EFCAB5: variants seen among roughly 807,000 people sequenced by gnomAD.
The protein encoded by EFCAB5 is EF-hand calcium-binding domain-containing protein 5.
In EFCAB5, 131 loss-of-function variants were observed where a neutral mutation model predicts 167.9. The ratio of observed to expected loss-of-function variants is 0.78; its 90% CI spans 0.68 to 0.90. The LOEUF (loss-of-function observed/expected upper bound fraction) is 0.90. EFCAB5 is among the 40% of genes least tolerant of loss of function. The pLI, the probability that EFCAB5 is intolerant of heterozygous loss-of-function variation, is 0.00. For synonymous variants in EFCAB5, 574 were observed against 602.8 expected (o/e 0.95, Z 0.70); for missense variants, 1,663 against 1,745.2 (o/e 0.95, Z 0.84).
Position 30,090,435 on chromosome 17 carries a change from A to T in EFCAB5, c.3698A>T (p.Lys1233Ile). 6.2e-7 allele frequency: 1 copy of T among 1,612,362 alleles called. No individual in the cohort carries two copies. The highest frequency in any genetic ancestry group is 8.5e-7 in the Non-Finnish European group (1 of 1,179,370). Residue 1233 changes from lysine to isoleucine, a missense_variant, in exon 20 of 23, where the codon AAA becomes ATA. By Grantham distance (102) the Lys-to-Ile change is moderately radical. Coordinates refer to ENST00000394835, the MANE Select transcript of EFCAB5 (RefSeq NM_198529.4). ...KSCIFRDFLF[K>I]CTDSSEVVLA... Reference sequence around the variant, plus strand: ...TTTGATTTCAGAGATTTCCTCTTTAAATGTACTGACAGTTCAGAAGTTGTT... The same window carrying T: ...TTTGATTTCAGAGATTTCCTCTTTATATGTACTGACAGTTCAGAAGTTGTT...
chr17:30,096,671 A>ATT lies in EFCAB5; in HGVS notation c.4321+3736_4321+3737insTT, dbSNP rs1305308979. Among the ~76,000 whole-genome samples, 307 of 60,872 alleles carry ATT rather than the reference A, an allele frequency of 5.0e-3. 6 individuals carry two copies. Among genetic ancestry groups the ATT allele is most frequent in the African/African-American group, 0.022 (284 of 12,974 alleles). The allele number at this position is 60,872 out of a possible 152,430, so 39.9% of individuals were successfully genotyped here. Reference sequence around the variant, plus strand: ...TGAAAGCATATATATATATATATATATATATATTTTTTTTTTTTTTTTTTT... The same window carrying ATT: ...TGAAAGCATATATATATATATATATATTTATATATTTTTTTTTTTTTTTTTTT... On this transcript the variant is annotated intron_variant, in intron 22 of 22. Transcript: ENST00000394835.
At chr17:30,040,555 C>G (rs1342225720) in intron 8 of EFCAB5, among the ~76,000 whole-genome samples, 1 of 152,166 alleles carries the variant, frequency 6.6e-6, no homozygotes, top group African/African-American at 2.4e-5. Context: ...TCTTTAACAG[C>G]TATAGTAAGT....
At chr17:30,056,182 A>C in intron 12 of EFCAB5, 26 bp downstream of exon 12, 3 of 1,575,744 alleles carry the variant, frequency 1.9e-6, no homozygotes, top group Non-Finnish European at 2.6e-6. Flanking sequence ...GAAAGTAGGA[A>C]TAGATGGCAG....
intron 4 of EFCAB5, among the ~76,000 whole-genome samples, chr17:29,972,186 C>A (rs1050449591): frequency 6.7e-6 from 1 of 149,946 alleles, no homozygotes; most frequent in African/African-American, 2.4e-5. Flanking sequence ...TACAGGCACC[C>A]GCCACCACGC....
chr17:30,025,249 A>G (rs1328797796), intron 7 of EFCAB5, among the ~76,000 whole-genome samples: 1 of 150,902 alleles, frequency 6.6e-6, no homozygotes, highest in Non-Finnish European at 1.5e-5. Flanking sequence ...AAATGGGAGA[A>G]AATTTTCGCA....
At chr17:30,095,169 T>G (rs374580029) in intron 22 of EFCAB5, among the ~76,000 whole-genome samples, 2 of 152,318 alleles carry the variant, frequency 1.3e-5, no homozygotes, top group East Asian at 3.9e-4. Context: ...AGCTGTCCCC[T>G]ATTGCAAGTA....
chr17:30,031,444 G>C (rs2069477081), intron 7 of EFCAB5, among the ~76,000 whole-genome samples: 1 of 152,216 alleles, frequency 6.6e-6, no homozygotes, highest in African/African-American at 2.4e-5. Flanking sequence ...TAAGAGGACT[G>C]TTTATTTAAT....
At chr17:30,094,788 T>C (rs1208790378) in intron 22 of EFCAB5, among the ~76,000 whole-genome samples, 1 of 152,172 alleles carries the variant, frequency 6.6e-6, no homozygotes, top group Non-Finnish European at 1.5e-5. Flanking sequence ...TAACATTGGG[T>C]AGCTTTGTTG....
intron 3 of EFCAB5, among the ~76,000 whole-genome samples, chr17:29,949,089 C>G (rs1354676149): frequency 6.6e-6 from 1 of 152,184 alleles, no homozygotes; most frequent in Non-Finnish European, 1.5e-5. Context: ...AGCAGCCAGA[C>G]CCACTAATGT....
intron 4 of EFCAB5, among the ~76,000 whole-genome samples, chr17:29,985,961 C>T (rs149866206): frequency 9.7e-4 from 147 of 152,284 alleles, no homozygotes; most frequent in Non-Finnish European, 1.7e-3. Context: ...CTACTTCTTT[C>T]AGTAGTCAGG....
At chr17:29,997,478 G>A (rs1439215370) in intron 6 of EFCAB5, among the ~76,000 whole-genome samples, 1 of 151,660 alleles carries the variant, frequency 6.6e-6, no homozygotes, top group Non-Finnish European at 1.5e-5. Flanking sequence ...TCCCAGAAAT[G>A]CAGACTGACA....
intron 14 of EFCAB5, among the ~76,000 whole-genome samples, chr17:30,072,344 CA>C (rs928723155): frequency 3.0e-4 from 45 of 152,044 alleles, no homozygotes; most frequent in African/African-American, 1.0e-3. Context: ...TATTTTGAAA[CA>C]AAACAACAAC....
chr17:30,103,937 T>A (rs180831800), intron 22 of EFCAB5, among the ~76,000 whole-genome samples: 1 of 152,082 alleles, frequency 6.6e-6, no homozygotes, highest in African/African-American at 2.4e-5. Context: ...CTTGAACCCA[T>A]GAGGTGGAGG....
At chr17:30,097,322 T>G (rs1466572208) in intron 22 of EFCAB5, among the ~76,000 whole-genome samples, 1 of 152,198 alleles carries the variant, frequency 6.6e-6, no homozygotes, top group Non-Finnish European at 1.5e-5. Flanking sequence ...CCCAAAGTGC[T>G]GGGATTACAG....
chr17:29,983,221 T>C (rs1177689965), intron 4 of EFCAB5, among the ~76,000 whole-genome samples: 50 of 152,216 alleles, frequency 3.3e-4, no homozygotes, highest in Non-Finnish European at 2.9e-5. Flanking sequence ...CAATCACTTT[T>C]GTAGTGGTTG....
intron 18 of EFCAB5, 52 bp from the exon 19 acceptor site, chr17:30,087,011 A>T: frequency 6.6e-7 from 1 of 1,525,686 alleles, no homozygotes; most frequent in Admixed American, 1.8e-5. Flanking sequence ...AAAAGCTTTA[A>T]TGAGAATATG....
At chr17:30,062,237 A>C (rs1041166406) in intron 14 of EFCAB5, among the ~76,000 whole-genome samples, 15 of 152,212 alleles carry the variant, frequency 9.9e-5, no homozygotes, top group African/African-American at 3.6e-4. Context: ...TACATTAAGA[A>C]AAATAACTGA....
At chr17:30,068,610 G>T (rs1419753618) in intron 14 of EFCAB5, 7 of 1,450,022 alleles carry the variant, frequency 4.8e-6, no homozygotes, top group South Asian at 1.4e-5. Context: ...CCCTTGTGGG[G>T]CTGCCTGTGC....
intron 7 of EFCAB5, among the ~76,000 whole-genome samples, chr17:30,008,609 A>G (rs561506348): frequency 3.3e-5 from 5 of 152,080 alleles, no homozygotes; most frequent in East Asian, 3.9e-4. Context: ...AAATTTTTTT[A>G]TATTTTAAAA....
Sources: gnomAD v4.1 joint callset for allele counts (sites outside exome capture counted in the v4.1 genomes callset) on GRCh38, gnomAD v4.1.1 for gene constraint, MANE v1.5 for transcripts, NCBI Gene and HGNC (gene_info 2026-07-23, HGNC 2026-07-21) for gene names.